CTNS: variants seen among roughly 807,000 people sequenced by gnomAD.
CTNS encodes cystinosin, lysosomal cystine transporter, also known as cystinosin.
Under a neutral mutation model 43.7 loss-of-function variants are expected in CTNS, and 27 were observed. The ratio of observed to expected loss-of-function variants is 0.62; its 90% CI spans 0.46 to 0.85. The LOEUF is 0.85. Among genes scored for constraint, CTNS ranks in the 40% least tolerant of loss-of-function variants. The pLI, the probability that CTNS is intolerant of heterozygous loss-of-function variation, is 0.00. For missense variants in CTNS, 457 were observed against 475.4 expected, an observed-to-expected ratio of 0.96 and a Z score of 0.36; for synonymous variants, 187 against 190.6, an observed-to-expected ratio of 0.98 and a Z score of 0.16.
Position 3,659,859 on chromosome 17 carries a change from C to T in CTNS, c.854C>T (p.Ala285Val), listed in dbSNP as rs1166543203. 2 of 1,612,410 alleles carry T rather than the reference C, an allele frequency of 1.2e-6. No homozygotes were observed. Among genetic ancestry groups the T allele is most frequent in the African/African-American group, 1.3e-5 (1 of 75,036 alleles). ...TGTCTGTCCGTCTGTCTGGCCCAGG[C>T]CTACATGAACTTTTACTACAAAAGC... ...AVTLVKYFPQ[A>V]YMNFYYKSTE... The change falls in exon 11 of 12, where the codon GCC becomes GTC. Residue 285 changes from alanine (A) to valine (V), a missense_variant and splice_region_variant. Coordinates refer to ENST00000046640, the MANE Select transcript of CTNS (RefSeq NM_004937.3).
chr17:3,639,692 A>G (rs899517922), intron 2 of CTNS, among the ~76,000 whole-genome samples: 130 of 146,128 alleles, frequency 8.9e-4, no homozygotes, highest in African/African-American at 3.5e-3. Context: ...TTAAATATGT[A>G]TATTAAAAAA....
chr17:3,655,489 G>A, intron 7 of CTNS, 137 bp downstream of exon 7: 1 of 1,352,212 alleles, frequency 7.4e-7, no homozygotes, highest in South Asian at 1.2e-5. Flanking sequence ...AGTTGTCCCA[G>A]TGCGAAGGCT....
chr17:3,648,311 G>A (rs939068456), intron 4 of CTNS, among the ~76,000 whole-genome samples: 1 of 152,178 alleles, frequency 6.6e-6, no homozygotes, highest in Non-Finnish European at 1.5e-5. Context: ...CAACTGTCCA[G>A]GCCCCTGGAG....
Position 3,650,711 on chromosome 17 carries a change from T to C in CTNS, c.225+1780T>C, listed in dbSNP as rs1043129015. Among the ~76,000 whole-genome samples, 2 of 152,218 alleles carry C rather than the reference T, an allele frequency of 1.3e-5. 1 individual carries two copies. The highest frequency in any genetic ancestry group is 2.9e-5 in the Non-Finnish European group (2 of 68,038). The stretch of plus-strand genomic sequence containing the variant: ...TCTGATCCACAGATTAAATTCTGAC[T>C]CTGGGAGGAACAGATGCTGATTGCT... On this transcript the variant is annotated intron_variant, in intron 5 of 11. Transcript: ENST00000046640.
chr17:3,659,815 G>A (rs1179788862), intron 10 of CTNS, 43 bp from the exon 11 acceptor site: 2 of 1,481,390 alleles, frequency 1.4e-6, no homozygotes, highest in East Asian at 4.5e-5. Context: ...CAGCCGCCCA[G>A]CCCTCACCGC....
chr17:3,644,546 C>T (rs1471744383), intron 3 of CTNS, among the ~76,000 whole-genome samples: 1 of 152,212 alleles, frequency 6.6e-6, no homozygotes, highest in African/African-American at 2.4e-5. Flanking sequence ...CTCACTGCAG[C>T]CCCCGCTTCC....
intron 3 of CTNS, among the ~76,000 whole-genome samples, chr17:3,646,728 C>T (rs372364883): frequency 6.6e-5 from 10 of 152,216 alleles, no homozygotes; most frequent in Admixed American, 5.9e-4. Context: ...TGAGCCACCA[C>T]GCCCAGCCCC....
At chr17:3,647,618 C>A in intron 4 of CTNS, 96 bp downstream of exon 4, 1 of 1,085,978 alleles carries the variant, frequency 9.2e-7, no homozygotes, top group Non-Finnish European at 1.4e-6. Flanking sequence ...ATTTCAGATG[C>A]GCTATTCTTG....
rs2076285929 is a variant in CTNS, at chr17:3,662,088, A to T, written c.*1719A>T. Among the ~76,000 whole-genome samples the T allele has an allele frequency of 1.3e-5, 2 of 152,126 alleles. 1 individual carries two copies. Among genetic ancestry groups the T allele is most frequent in the Admixed American group, 1.3e-4 (2 of 15,280 alleles). On this transcript the variant is annotated 3_prime_UTR_variant, in exon 12 of 12. Coordinates refer to ENST00000046640, the MANE Select transcript of CTNS (RefSeq NM_004937.3). Reference sequence around the variant, plus strand: ...CACTTTGGGAGGCCAAGGCAGATGGATCACCTGACATCAGGAGTTCGAGAC... The same window carrying T: ...CACTTTGGGAGGCCAAGGCAGATGGTTCACCTGACATCAGGAGTTCGAGAC...
chr17:3,649,203 C>A (rs900395886), intron 5 of CTNS, among the ~76,000 whole-genome samples: 1 of 152,166 alleles, frequency 6.6e-6, no homozygotes, highest in African/African-American at 2.4e-5. Context: ...AATCCCAGCA[C>A]TCTGGGAGGC....
intron 5 of CTNS, 75 bp downstream of exon 5, chr17:3,649,006 A>G: frequency 7.8e-7 from 1 of 1,283,976 alleles, no homozygotes; most frequent in Non-Finnish European, 1.1e-6. Context: ...AGCTGGTGGA[A>G]ACAGGTCTCC....
At chr17:3,646,413 A>G (rs1353236052) in intron 3 of CTNS, among the ~76,000 whole-genome samples, 1 of 151,404 alleles carries the variant, frequency 6.6e-6, no homozygotes, top group Non-Finnish European at 1.5e-5. Context: ...TCAGCCTCCA[A>G]AGTAGCCGGG....
At chr17:3,649,033 C>A in intron 5 of CTNS, 102 bp downstream of exon 5, 4 of 953,712 alleles carry the variant, frequency 4.2e-6, no homozygotes, top group East Asian at 2.5e-5. Flanking sequence ...GCCCCTGTTC[C>A]ATCAACCTAG....
chr17:3,648,779 A>G, intron 4 of CTNS, 68 bp from the exon 5 acceptor site: 1 of 1,305,332 alleles, frequency 7.7e-7, no homozygotes, highest in African/African-American at 1.4e-5. Flanking sequence ...CAGATGTGAA[A>G]TCCAGAGGGT....
At chr17:3,653,532 G>A (rs751718450) in intron 5 of CTNS, among the ~76,000 whole-genome samples, 3 of 152,122 alleles carry the variant, frequency 2.0e-5, no homozygotes, top group African/African-American at 4.8e-5. Flanking sequence ...GAGACAGCTG[G>A]GTTCAGTAAG....
At chr17:3,645,631 AG>A (rs2075824383) in intron 3 of CTNS, among the ~76,000 whole-genome samples, 1 of 152,080 alleles carries the variant, frequency 6.6e-6, no homozygotes. Flanking sequence ...AGGCCAAGGC[AG>A]GCAGATCACC....
At position 3,642,142 on chromosome 17, in the gene CTNS, C is replaced by CGTGTGTGT. The variant is rs75793503; in HGVS notation, c.61+1891_61+1898dup. ...CTGCGTGCATGTATGTGTGCCCGGG[C>CGTGTGTGT]GTGTGTGTGTGTGTGTGTGTGTGCC... On this transcript the variant is annotated intron_variant, in intron 3 of 11. Coordinates refer to ENST00000046640, the MANE Select transcript of CTNS (RefSeq NM_004937.3). 1.1e-3 allele frequency among the ~76,000 whole-genome samples: 155 copies of CGTGTGTGT among 146,414 alleles called. 1 individual carries two copies. Among genetic ancestry groups the CGTGTGTGT allele is most frequent in the African/African-American group, 3.4e-3 (133 of 38,846 alleles).
chr17:3,642,645 G>T (rs576863995), intron 3 of CTNS, among the ~76,000 whole-genome samples: 1 of 152,068 alleles, frequency 6.6e-6, no homozygotes, highest in Admixed American at 6.6e-5. Context: ...CTGAGATCAC[G>T]CCACTGCACT....
chr17:3,636,710 T>G, upstream of CTNS: 1 of 154,904 alleles, frequency 6.5e-6, no homozygotes, highest in Non-Finnish European at 1.4e-5. Flanking sequence ...GGAGGTCAGG[T>G]GACAGCGGAC....
Sources: allele counts gnomAD v4.1 joint callset (sites outside exome capture counted in the v4.1 genomes callset), GRCh38; gene constraint gnomAD v4.1.1; transcripts MANE v1.5; gene names NCBI Gene and HGNC (gene_info 2026-07-23, HGNC 2026-07-21).